The following PRKACB variants were observed in gnomAD, a reference collection of about 807,000 sequenced individuals.
The protein encoded by PRKACB is protein kinase cAMP-activated catalytic subunit beta.
PRKACB carries 16 observed loss-of-function variants against 51.4 expected under a neutral mutation model. The ratio of observed to expected loss-of-function variants is 0.31; its 90% CI spans 0.21 to 0.47. PRKACB has a LOEUF of 0.47. Among genes scored for constraint, PRKACB ranks in the 20% least tolerant of loss-of-function variants. PRKACB has a pLI of 1.00. For missense variants in PRKACB, 309 were observed against 464.5 expected, an observed-to-expected ratio of 0.67 and a Z score of 3.08; for synonymous variants, 147 against 154.4, an observed-to-expected ratio of 0.95 and a Z score of 0.35.
At chr1:84,078,687 A>C (rs569178310) in intron 1 of PRKACB, among the ~76,000 whole-genome samples, 1 of 152,320 alleles carries the variant, frequency 6.6e-6, no homozygotes, top group South Asian at 2.1e-4. Context: ...CGAGGAAAGA[A>C]GTCCCTAGTG....
At chr1:84,103,706 G>A (rs1423980235) in intron 1 of PRKACB, among the ~76,000 whole-genome samples, 1 of 152,082 alleles carries the variant, frequency 6.6e-6, no homozygotes, top group African/African-American at 2.4e-5. Context: ...AAAATTGTGA[G>A]CAAAATATGG....
At chr1:84,166,086 A>G (rs1657373405) in intron 1 of PRKACB, among the ~76,000 whole-genome samples, 1 of 151,684 alleles carries the variant, frequency 6.6e-6, no homozygotes, top group Admixed American at 6.6e-5. Flanking sequence ...AACCTCTTAA[A>G]CACTGTTATA....
chr1:84,124,334 G>A (rs1162336140), intron 1 of PRKACB, among the ~76,000 whole-genome samples: 1 of 152,164 alleles, frequency 6.6e-6, no homozygotes, highest in African/African-American at 2.4e-5. Context: ...TTACATAAAT[G>A]GAACTTCTAT....
chr1:84,182,354 T>G, intron 3 of PRKACB, 26 bp downstream of exon 3: 1 of 1,494,712 alleles, frequency 6.7e-7, no homozygotes, highest in Non-Finnish European at 8.9e-7. Flanking sequence ...GTTATTTACC[T>G]TCAGGGTAAA....
intron 1 of PRKACB, among the ~76,000 whole-genome samples, chr1:84,093,761 T>C (rs1648707370): frequency 6.6e-6 from 1 of 152,008 alleles, no homozygotes; most frequent in Non-Finnish European, 1.5e-5. Context: ...TTTAGTAATC[T>C]TTGTAATATT....
At chr1:84,121,561 C>T (rs1357962608) in intron 1 of PRKACB, among the ~76,000 whole-genome samples, 15 of 152,016 alleles carry the variant, frequency 9.9e-5, no homozygotes, top group African/African-American at 3.6e-4. Context: ...TAGCACCTGA[C>T]ATAATGGAAA....
At chr1:84,115,677 G>A (rs1292146805) in intron 1 of PRKACB, among the ~76,000 whole-genome samples, 1 of 151,912 alleles carries the variant, frequency 6.6e-6, no homozygotes, top group Non-Finnish European at 1.5e-5. Flanking sequence ...GAGGTTGGGA[G>A]TTCAAGACCA....
intron 9 of PRKACB, among the ~76,000 whole-genome samples, chr1:84,233,911 G>A (rs1676204272): frequency 6.6e-6 from 1 of 150,866 alleles, no homozygotes; most frequent in African/African-American, 2.4e-5. Flanking sequence ...TCTTCTCTCA[G>A]CTCGTCAAAG....
intron 1 of PRKACB, among the ~76,000 whole-genome samples, chr1:84,084,729 A>G (rs751375011): frequency 2.7e-4 from 41 of 152,126 alleles, no homozygotes; most frequent in African/African-American, 8.0e-4. Context: ...TTAAGCTTCA[A>G]TGCCATGGTA....
At chr1:84,091,617 G>A (rs1394494577) in intron 1 of PRKACB, among the ~76,000 whole-genome samples, 1 of 151,886 alleles carries the variant, frequency 6.6e-6, no homozygotes, top group Non-Finnish European at 1.5e-5. Context: ...GATCCCTCCC[G>A]CCTTAGCCTC....
intron 1 of PRKACB, among the ~76,000 whole-genome samples, chr1:84,156,644 C>T (rs1022662541): frequency 6.6e-6 from 1 of 151,956 alleles, no homozygotes; most frequent in African/African-American, 2.4e-5. Flanking sequence ...GGTCTGTGAG[C>T]CAGATGCAAC....
intron 1 of PRKACB, among the ~76,000 whole-genome samples, chr1:84,148,374 T>C (rs1654397058): frequency 1.3e-5 from 2 of 151,736 alleles, no homozygotes; most frequent in Admixed American, 1.3e-4. Context: ...ATTTATATGG[T>C]ATAGTTTGTA....
Position 84,105,363 on chromosome 1 carries a change from C to T in PRKACB, c.46+26992C>T, listed in dbSNP as rs535680810. On this transcript the variant is annotated intron_variant, in intron 1 of 8. Transcript: ENST00000370688. ...TTTCATGGAAAAGTCATTCTGACAT[C>T]GAGGCACCACGACTTTTGACCTAGA... Among the ~76,000 whole-genome samples, 5 of 152,090 alleles carry T rather than the reference C, an allele frequency of 3.3e-5. No individual in the cohort carries two copies. In the East Asian group the frequency reaches 7.7e-4, roughly 24 times the overall value.
chr1:84,211,127 TCACACACA>T (rs3051185), intron 8 of PRKACB, among the ~76,000 whole-genome samples: 164 of 148,900 alleles, frequency 1.1e-3, no homozygotes, highest in Middle Eastern at 3.4e-3. Context: ...CACTCCACTG[TCACACACA>T]CACACACACA....
chr1:84,123,832 T>C (rs1376847919), intron 1 of PRKACB, among the ~76,000 whole-genome samples: 1 of 152,176 alleles, frequency 6.6e-6, no homozygotes, highest in Admixed American at 6.5e-5. Flanking sequence ...TCTTACAACA[T>C]TTAGAATATG....
chr1:84,188,930 A>G (rs2101072762), intron 5 of PRKACB, among the ~76,000 whole-genome samples: 1 of 152,156 alleles, frequency 6.6e-6, no homozygotes, highest in South Asian at 2.1e-4. Flanking sequence ...AGTGATAATC[A>G]AAAGACATCA....
chr1:84,202,518 G>A (rs908841166), intron 7 of PRKACB, among the ~76,000 whole-genome samples, 165 bp from the exon 8 acceptor site: 7 of 151,942 alleles, frequency 4.6e-5, no homozygotes, highest in Admixed American at 4.6e-4. Flanking sequence ...ATTTAAATCT[G>A]ACCTGATACA....
chr1:84,179,959 C>T (rs1382906056), intron 2 of PRKACB, among the ~76,000 whole-genome samples: 4 of 146,732 alleles, frequency 2.7e-5, no homozygotes, highest in East Asian at 2.0e-4. Flanking sequence ...CCCCACCCCG[C>T]GACAGGCCCC....
chr1:84,162,945 T>G (rs988121285), intron 1 of PRKACB, among the ~76,000 whole-genome samples: 2 of 152,102 alleles, frequency 1.3e-5, no homozygotes, highest in African/African-American at 4.8e-5. Context: ...GTTTATTTTT[T>G]TATTAAAAAC....
Sources: allele counts gnomAD v4.1 joint callset (sites outside exome capture counted in the v4.1 genomes callset), GRCh38; gene constraint gnomAD v4.1.1; transcripts MANE v1.5; gene names NCBI Gene and HGNC (gene_info 2026-07-23, HGNC 2026-07-21).